THUMPD2: variants seen among roughly 807,000 people sequenced by gnomAD.
THUMPD2 encodes the protein U6 snRNA (guanine-N(2))-methyltransferase THUMPD2.
THUMPD2 carries 56 observed loss-of-function variants against 49.4 expected under a neutral mutation model. The ratio of observed to expected loss-of-function variants is 1.13; its 90% confidence interval spans 0.91 to 1.41. THUMPD2 has a LOEUF of 1.41. Ranked by LOEUF, THUMPD2 falls within the 40% of genes most tolerant of loss-of-function variation. The pLI is 0.00. For missense variants in THUMPD2, 709 were observed against 594.5 expected (o/e 1.19, Z -2.00); for synonymous variants, 237 against 205.2 (o/e 1.15, Z -1.32).
chr2:39,768,333 A>G, intron 4 of THUMPD2, 91 bp downstream of exon 4: 2 of 1,117,586 alleles, frequency 1.8e-6, no homozygotes, highest in East Asian at 2.4e-5. Flanking sequence ...TTATAACTGT[A>G]AAATAAAACG....
chr2:39,756,417 G>A (rs1676129012), intron 6 of THUMPD2, among the ~76,000 whole-genome samples: 1 of 151,316 alleles, frequency 6.6e-6, no homozygotes, highest in Non-Finnish European at 1.5e-5. Context: ...AGCTTGCAAT[G>A]AGCAGAGATC....
intron 1 of THUMPD2, among the ~76,000 whole-genome samples, chr2:39,775,405 A>G (rs186694440): frequency 1.2e-3 from 181 of 152,282 alleles, no homozygotes; most frequent in Admixed American, 3.5e-3. Flanking sequence ...TGATGGGTTA[A>G]GGTGTTGTTT....
In THUMPD2 at chr2:39,738,638, A is replaced by AATAC. The variant is rs1172472968; in HGVS notation, c.1188-1583_1188-1580dup. 3.7e-5 allele frequency among the ~76,000 whole-genome samples: 3 copies of AATAC among 81,388 alleles called. No individual in the cohort carries two copies. In the South Asian group the frequency reaches 1.1e-3, roughly 29 times the overall value. The allele number at this position is 81,388 out of a possible 152,430, so 53.4% of individuals were successfully genotyped here. On this transcript the variant is annotated intron_variant, in intron 9 of 9. Coordinates refer to ENST00000505747, the MANE Select transcript of THUMPD2 (RefSeq NM_025264.5). ...AATATATATTATATATTTACATATA[A>AATAC]ATACATAATTTATATACATATAAAT...
rs768034762 is a variant in THUMPD2, at chr2:39,748,821, AAAAG to A, written c.1079-4347_1079-4344del. 1.8e-4 allele frequency among the ~76,000 whole-genome samples: 27 copies of A among 152,062 alleles called. 1 individual carries two copies. The South Asian group carries it at 5.4e-3, about 30-fold the overall frequency. On this transcript the variant is annotated intron_variant, in intron 8 of 9. Transcript: ENST00000505747. ...TGAGACCCCATCTCTATTTTTTTAA[AAAAG>A]AAAATTAGCCAGGCATGGTGGTGAG...
rs765229638 is a variant in THUMPD2, at chr2:39,736,805, T to C, written c.1442A>G (p.Tyr481Cys). ...ATCTGTCTTTCCAAGGCTAACTTTG[T>C]AGCATTCCACTGGTACCAAGGAGCC... The part of the protein sequence containing the change: ...PFGSLVPVEC[Y>C]KVSLGKTDAF... The change falls in exon 10 of 10, where the codon TAC becomes TGC. Residue 481 changes from tyrosine to cysteine, a missense_variant. By Grantham distance (194) the Tyr-to-Cys change is radical. Coordinates refer to ENST00000505747, the MANE Select transcript of THUMPD2 (RefSeq NM_025264.5). 1.2e-6 allele frequency: 2 copies of C among 1,614,212 alleles called. No individual in the cohort carries two copies. The highest frequency in any genetic ancestry group is 1.7e-6 in the Non-Finnish European group (2 of 1,180,020).
intron 8 of THUMPD2, 101 bp from the exon 9 acceptor site, chr2:39,744,579 G>A: frequency 1.4e-6 from 1 of 724,442 alleles, no homozygotes; most frequent in Non-Finnish European, 2.2e-6. Flanking sequence ...TTGCGTAACA[G>A]ATTAACATTT....
intron 2 of THUMPD2, 90 bp from the exon 3 acceptor site, chr2:39,770,209 C>T: frequency 1.1e-6 from 1 of 900,942 alleles, no homozygotes; most frequent in East Asian, 3.1e-5. Flanking sequence ...ACCTTTATTT[C>T]CTTGAATTAA....
At chr2:39,756,654 G>T (rs749180968) in intron 6 of THUMPD2, among the ~76,000 whole-genome samples, 39 of 152,052 alleles carry the variant, frequency 2.6e-4, no homozygotes, top group Admixed American at 7.9e-4. Context: ...AAGAGGAGGT[G>T]GTTAAGAACA....
At chr2:39,739,617 G>A (rs1245456639) in intron 9 of THUMPD2, among the ~76,000 whole-genome samples, 1 of 152,150 alleles carries the variant, frequency 6.6e-6, no homozygotes, top group Non-Finnish European at 1.5e-5. Context: ...GTAATCCCCG[G>A]GGCCAAGTAC....
At chr2:39,755,441 A>T in intron 7 of THUMPD2, 32 bp from the exon 8 acceptor site, 1 of 1,373,438 alleles carries the variant, frequency 7.3e-7, no homozygotes, top group Non-Finnish European at 1.0e-6. Flanking sequence ...AAGCATAAAT[A>T]AAATTATTAC....
chr2:39,760,693 G>A (rs1247500230), intron 6 of THUMPD2, among the ~76,000 whole-genome samples: 1 of 151,990 alleles, frequency 6.6e-6, no homozygotes, highest in Non-Finnish European at 1.5e-5. Flanking sequence ...AAACAAAAAG[G>A]AGTGAAAATA....
Position 39,737,058 on chromosome 2 carries a change from C to T in THUMPD2, c.1189G>A (p.Val397Met). 3.8e-6 allele frequency: 6 copies of T among 1,583,956 alleles called. No homozygotes were observed. Among genetic ancestry groups the T allele is most frequent in the Non-Finnish European group, 5.2e-6 (6 of 1,164,088 alleles). ...IKSILQEMER[V>M]LHVGGTIVLL... ...ACAATGGTTCCGCCAACATGAAGCA[C>T]TCTGTGACAAAAAAAAAATGGTAAT... is the stretch of plus-strand genomic sequence containing the variant. Residue 397 changes from valine to methionine, a missense_variant and splice_region_variant, in exon 10 of 10, where the codon GTG becomes ATG. Transcript: ENST00000505747.
At chr2:39,741,555 C>T (rs1290104582) in intron 9 of THUMPD2, among the ~76,000 whole-genome samples, 1 of 152,136 alleles carries the variant, frequency 6.6e-6, no homozygotes, top group Non-Finnish European at 1.5e-5. Context: ...TGCACAGTTA[C>T]ATTTGAGGAG....
chr2:39,769,800 C>G lies in THUMPD2; in HGVS notation c.582G>C (p.Glu194Asp). 6.2e-7 allele frequency: 1 copy of G among 1,611,274 alleles called. No individual in the cohort carries two copies. The change falls in exon 3 of 10, where the codon GAG (glutamate) becomes GAC (aspartate). Residue 194 changes from glutamate to aspartate, a missense_variant. Coordinates refer to ENST00000505747, the MANE Select transcript of THUMPD2 (RefSeq NM_025264.5). ...FQEEEFQNDI[E>D]KAIDTHNQND... ...TCTGATTATGAGTATCAATTGCTTT[C>G]TCTATGTCATTCTGAAATTCTTCTT...
chr2:39,743,350 T>C (rs1413691742), intron 9 of THUMPD2, among the ~76,000 whole-genome samples: 1 of 152,252 alleles, frequency 6.6e-6, no homozygotes, highest in Non-Finnish European at 1.5e-5. Flanking sequence ...CCATGACTCA[T>C]TGTTTCAATC....
At chr2:39,765,865 C>CTG (rs886925345) in intron 5 of THUMPD2, among the ~76,000 whole-genome samples, 192 bp downstream of exon 5, 3 of 152,180 alleles carry the variant, frequency 2.0e-5, no homozygotes, top group Non-Finnish European at 4.4e-5. Context: ...TTTCCCAGCT[C>CTG]TAACTGGTCA....
At chr2:39,767,669 A>G (rs1414507956) in intron 4 of THUMPD2, among the ~76,000 whole-genome samples, 1 of 151,692 alleles carries the variant, frequency 6.6e-6, no homozygotes, top group African/African-American at 2.4e-5. Context: ...ATGTCAAAAC[A>G]TTCTTGGGAT....
In THUMPD2 at chr2:39,769,699, T is replaced by C. The variant is rs1455996500; in HGVS notation, c.672+11A>G. On this transcript the variant is annotated intron_variant, in intron 3 of 9. Transcript: ENST00000505747. The stretch of plus-strand genomic sequence containing the variant: ...CTGGGCGACAGACTCCACTTTAGGA[T>C]GCAAGCATACCTGTGCAGTGAAGGC... 6.7e-7 allele frequency: 1 copy of C among 1,498,900 alleles called. No homozygotes were observed. The highest frequency in any genetic ancestry group is 1.5e-5 in the African/African-American group (1 of 68,816). 92.9% of individuals were successfully genotyped at this position (1,498,900 alleles called of 1,614,324 possible).
Position 39,774,631 on chromosome 2 carries a change from G to A in THUMPD2, c.127-2991C>T, listed in dbSNP as rs538863497. ...ATAGGTATGATACCTTAAAATAGTAGGGAGAATGAATTTTGGTGCTTATGA... is the reference window on the plus strand; with the variant it reads ...ATAGGTATGATACCTTAAAATAGTAAGGAGAATGAATTTTGGTGCTTATGA... On this transcript the variant is annotated intron_variant, in intron 1 of 9. Transcript: ENST00000505747. Among the ~76,000 whole-genome samples the A allele has an allele frequency of 9.2e-5, 14 of 152,274 alleles. No homozygotes were observed. The South Asian group carries it at 2.9e-3, about 32-fold the overall frequency.
Sources: gnomAD v4.1 joint callset for allele counts (sites outside exome capture counted in the v4.1 genomes callset) on GRCh38, gnomAD v4.1.1 for gene constraint, MANE v1.5 for transcripts, NCBI Gene and HGNC (gene_info 2026-07-23, HGNC 2026-07-21) for gene names.